The following CREB5 variants were observed in gnomAD, a reference collection of about 807,000 sequenced individuals.
CREB5 encodes cyclic AMP-responsive element-binding protein 5.
Under a neutral mutation model 57.1 loss-of-function variants are expected in CREB5, and 19 were observed. That is an observed-to-expected ratio of 0.33 (90% confidence interval 0.23 to 0.49). The LOEUF (loss-of-function observed/expected upper bound fraction) is 0.49, where lower values mean the gene tolerates loss of function less well. Among genes scored for constraint, CREB5 ranks in the 20% least tolerant of loss-of-function variants. CREB5 has a pLI of 0.99. For missense variants in CREB5, 579 were observed against 671.6 expected (o/e 0.86, Z 1.52); for synonymous variants, 238 against 238.3 (o/e 1.00, Z 0.01).
At chr7:28,805,024 T>G (rs1808626927) in intron 8 of CREB5, among the ~76,000 whole-genome samples, 1 of 151,726 alleles carries the variant, frequency 6.6e-6, no homozygotes, top group Non-Finnish European at 1.5e-5. Flanking sequence ...ATCTAAAGAG[T>G]AACAATTCAA....
At chr7:28,651,553 G>A (rs1427541082) in intron 5 of CREB5, among the ~76,000 whole-genome samples, 3 of 152,050 alleles carry the variant, frequency 2.0e-5, no homozygotes, top group Non-Finnish European at 2.9e-5. Flanking sequence ...ACCAGCCTGG[G>A]CAACAAAGTG....
chr7:28,681,736 T>C (rs1039673351), intron 5 of CREB5, among the ~76,000 whole-genome samples: 1 of 152,194 alleles, frequency 6.6e-6, no homozygotes, highest in Non-Finnish European at 1.5e-5. Flanking sequence ...GCCACCCTTA[T>C]CCCAGTCTGG....
chr7:28,652,829 G>A (rs1299493886), intron 5 of CREB5, among the ~76,000 whole-genome samples: 4 of 152,186 alleles, frequency 2.6e-5, no homozygotes, highest in African/African-American at 9.7e-5. Flanking sequence ...TAATTTTATT[G>A]TAGGCTGTCT....
At chr7:28,815,002 G>T (rs1721807935) in intron 9 of CREB5, among the ~76,000 whole-genome samples, 1 of 152,216 alleles carries the variant, frequency 6.6e-6, no homozygotes, top group African/African-American at 2.4e-5. Flanking sequence ...CAGGCACAGT[G>T]GCTCATGCCT....
At chr7:28,566,336 A>G (rs997777406) in intron 4 of CREB5, among the ~76,000 whole-genome samples, 5 of 152,234 alleles carry the variant, frequency 3.3e-5, no homozygotes, top group Non-Finnish European at 7.3e-5. Flanking sequence ...TGATTTTTAC[A>G]TCTTCATCCA....
chr7:28,784,750 G>A (rs1227147050), intron 7 of CREB5, among the ~76,000 whole-genome samples: 2 of 152,166 alleles, frequency 1.3e-5, no homozygotes, highest in Non-Finnish European at 2.9e-5. Flanking sequence ...TGGTTGATGA[G>A]CGAAACGAAG....
rs1046191670 is a variant in CREB5 at position 28,730,336 on chromosome 7, C to T, written c.702+6004C>T. ...CAGCTAGTAACTAGGACTGCAGATG[C>T]GCCACCACACCCAGATAATTTTTTT... On this transcript the variant is annotated intron_variant, in intron 7 of 10. Transcript: ENST00000357727. Among the ~76,000 whole-genome samples, 5 of 149,120 alleles carry T rather than the reference C, an allele frequency of 3.4e-5. No individual in the cohort carries two copies. The East Asian group carries it at 7.8e-4, about 23-fold the overall frequency.
At chr7:28,348,792 A>G (rs1786127227) in intron 1 of CREB5, among the ~76,000 whole-genome samples, 1 of 152,320 alleles carries the variant, frequency 6.6e-6, no homozygotes, top group Non-Finnish European at 1.5e-5. Flanking sequence ...CAAGAGCCAC[A>G]TTCCTTGCAT....
At chr7:28,641,991 C>G (rs572140737) in intron 5 of CREB5, among the ~76,000 whole-genome samples, 5 of 152,162 alleles carry the variant, frequency 3.3e-5, no homozygotes, top group African/African-American at 9.7e-5. Context: ...TGTCACAATG[C>G]GAAGCAAGTT....
intron 1 of CREB5, among the ~76,000 whole-genome samples, chr7:28,452,505 A>T (rs1789872776): frequency 6.6e-6 from 1 of 152,200 alleles, no homozygotes; most frequent in Non-Finnish European, 1.5e-5. Context: ...ACAGCATGGT[A>T]AAAAGCGTTT....
At chr7:28,547,162 G>A (rs769910329) in intron 4 of CREB5, among the ~76,000 whole-genome samples, 19 of 152,224 alleles carry the variant, frequency 1.2e-4, no homozygotes, top group Admixed American at 2.0e-4. Flanking sequence ...TTCTTGTATC[G>A]ACCTGTGTGA....
chr7:28,693,997 A>G (rs551523509), intron 5 of CREB5, among the ~76,000 whole-genome samples: 79 of 152,358 alleles, frequency 5.2e-4, no homozygotes, highest in African/African-American at 1.9e-3. Context: ...GCCATTGGTC[A>G]GAAAACGAGG....
At chr7:28,474,878 G>T (rs187989118) in intron 1 of CREB5, among the ~76,000 whole-genome samples, 79 of 152,246 alleles carry the variant, frequency 5.2e-4, no homozygotes, top group African/African-American at 1.6e-3. Flanking sequence ...TCTAATCAAG[G>T]CTTTCTTTCA....
chr7:28,690,993 G>A (rs924244543), intron 5 of CREB5, among the ~76,000 whole-genome samples: 2 of 152,206 alleles, frequency 1.3e-5, no homozygotes, highest in Non-Finnish European at 2.9e-5. Flanking sequence ...TGGGTGGAGG[G>A]AAGGACACAG....
intron 1 of CREB5, among the ~76,000 whole-genome samples, chr7:28,337,630 C>T (rs1256157629): frequency 6.6e-6 from 1 of 151,590 alleles, no homozygotes; most frequent in African/African-American, 2.4e-5. Flanking sequence ...ATCATTGGGT[C>T]TTGTTTGTTT....
chr7:28,754,778 T>C (rs969383741), intron 7 of CREB5, among the ~76,000 whole-genome samples: 2 of 152,194 alleles, frequency 1.3e-5, no homozygotes, highest in African/African-American at 2.4e-5. Context: ...TGCTTTACAA[T>C]AGAGAGGGAT....
chr7:28,524,728 A>G (rs1019033177), intron 4 of CREB5, among the ~76,000 whole-genome samples: 1 of 152,152 alleles, frequency 6.6e-6, no homozygotes, highest in African/African-American at 2.4e-5. Flanking sequence ...ATATTTGTAC[A>G]CACTTATGTG....
intron 3 of CREB5, among the ~76,000 whole-genome samples, chr7:28,505,872 T>C (rs1200937665): frequency 6.6e-6 from 1 of 152,220 alleles, no homozygotes. Context: ...AATAGTTATA[T>C]GTGTATATTA....
intron 7 of CREB5, among the ~76,000 whole-genome samples, chr7:28,761,742 G>A (rs1422313801): frequency 6.6e-6 from 1 of 151,674 alleles, no homozygotes; most frequent in Non-Finnish European, 1.5e-5. Flanking sequence ...GTGTGTGTGT[G>A]TGTGTGTGTA....
Sources: gnomAD v4.1 joint callset for allele counts (sites outside exome capture counted in the v4.1 genomes callset) on GRCh38, gnomAD v4.1.1 for gene constraint, MANE v1.5 for transcripts, NCBI Gene and HGNC (gene_info 2026-07-23, HGNC 2026-07-21) for gene names.